The following FAM114A2 variants were observed in gnomAD, a reference collection of about 807,000 sequenced individuals.
The protein encoded by FAM114A2 is family with sequence similarity 114 member A2.
In FAM114A2, 53 loss-of-function variants were observed where a neutral mutation model predicts 58.4. The observed-to-expected ratio is 0.91, with a 90% CI of 0.73 to 1.14. The LOEUF (loss-of-function observed/expected upper bound fraction) is 1.14. Ranked by LOEUF, FAM114A2 falls within the 50% of genes most tolerant of loss-of-function variation. FAM114A2 has a pLI of 0.00. For missense variants in FAM114A2, 601 were observed against 581.1 expected (o/e 1.03, Z -0.35); for synonymous variants, 228 against 211.4 (o/e 1.08, Z -0.68).
At chr5:153,997,333 A>G (rs1306312014) in intron 12 of FAM114A2, among the ~76,000 whole-genome samples, 1 of 152,246 alleles carries the variant, frequency 6.6e-6, no homozygotes, top group African/African-American at 2.4e-5. Flanking sequence ...CATTATAGCC[A>G]AAAAGCAGAA....
chr5:154,029,066 T>C (rs1772001082), intron 5 of FAM114A2, among the ~76,000 whole-genome samples: 1 of 152,220 alleles, frequency 6.6e-6, no homozygotes, highest in African/African-American at 2.4e-5. Flanking sequence ...GCTTCCTAGA[T>C]AATCCTCTTA....
chr5:153,998,537 C>T (rs143820679), intron 11 of FAM114A2, among the ~76,000 whole-genome samples: 2 of 152,328 alleles, frequency 1.3e-5, no homozygotes, highest in African/African-American at 2.4e-5. Context: ...GTCTTTCATG[C>T]AGGTCTCTTT....
chr5:154,007,636 G>C (rs552901391), intron 9 of FAM114A2, among the ~76,000 whole-genome samples: 18 of 152,270 alleles, frequency 1.2e-4, no homozygotes, highest in African/African-American at 4.1e-4. Context: ...ACGTATTAAT[G>C]TGATCTCTCA....
chr5:154,011,766 A>C (rs1438812727), intron 8 of FAM114A2, among the ~76,000 whole-genome samples: 1 of 152,222 alleles, frequency 6.6e-6, no homozygotes, highest in African/African-American at 2.4e-5. Context: ...AAGTTGGGAC[A>C]TCAAACTTGA....
intron 8 of FAM114A2, among the ~76,000 whole-genome samples, chr5:154,020,883 TGCAAAAATCCTCAATAAAATACTG>T (rs1218031854): frequency 6.6e-6 from 1 of 152,070 alleles, no homozygotes; most frequent in African/African-American, 2.4e-5. Context: ...TGAACATCAA[TGCAAAAATCCTCAATAAAATACTG>T]GCAAACCGAA....
At chr5:154,034,653 A>G (rs1261484424) in intron 2 of FAM114A2, 91 bp downstream of exon 2, 10 of 907,252 alleles carry the variant, frequency 1.1e-5, no homozygotes, top group Non-Finnish European at 1.8e-5. Flanking sequence ...GCAATTCTAA[A>G]TTGGTATTTA....
chr5:154,034,420 G>A (rs1359477891), intron 2 of FAM114A2, 43 bp from the exon 3 acceptor site: 2 of 1,221,074 alleles, frequency 1.6e-6, no homozygotes, highest in Admixed American at 2.2e-5. Flanking sequence ...AAAGAAAAAT[G>A]AAAAAATTAG....
intron 13 of FAM114A2, among the ~76,000 whole-genome samples, chr5:153,993,485 A>C (rs1266851034): frequency 6.6e-6 from 1 of 152,184 alleles, no homozygotes; most frequent in Non-Finnish European, 1.5e-5. Context: ...TAAATCCTAC[A>C]CCTATAGAAT....
At chr5:154,037,050 C>G (rs564905593) in intron 1 of FAM114A2, 1 of 152,208 alleles carries the variant, frequency 6.6e-6, no homozygotes, top group Non-Finnish European at 1.5e-5. Context: ...CCTGATTAAC[C>G]TCTGTAGGCA....
chr5:154,002,159 G>A, intron 11 of FAM114A2, 92 bp downstream of exon 11: 12 of 1,250,422 alleles, frequency 9.6e-6, no homozygotes, highest in Non-Finnish European at 1.3e-5. Flanking sequence ...GACGTGAATG[G>A]TTTCTTGAGA....
chr5:154,023,607 C>T (rs1771581236), intron 8 of FAM114A2, among the ~76,000 whole-genome samples: 1 of 152,030 alleles, frequency 6.6e-6, no homozygotes, highest in Admixed American at 6.5e-5. Flanking sequence ...ACACAATGGG[C>T]TTCGGGGACT....
rs193293840 is a variant in FAM114A2 at position 154,018,289 on chromosome 5, C to G, written c.914-6969G>C. Among the ~76,000 whole-genome samples, 6 of 152,172 alleles carry G rather than the reference C, an allele frequency of 3.9e-5. No individual in the cohort carries two copies. The East Asian group carries it at 1.2e-3, about 29-fold the overall frequency. ...CATGGCTGCTATGAACACCTGTATG[C>G]GCATAAACTAGAAAACCTAGAGGAG... On this transcript the variant is annotated intron_variant, in intron 8 of 13. Transcript: ENST00000351797.
At chr5:154,016,208 G>A (rs889636184) in intron 8 of FAM114A2, among the ~76,000 whole-genome samples, 2 of 151,864 alleles carry the variant, frequency 1.3e-5, no homozygotes, top group African/African-American at 4.9e-5. Context: ...AATAATCGAG[G>A]AAAACTTCCC....
chr5:153,996,976 G>A (rs1417868593), intron 12 of FAM114A2, among the ~76,000 whole-genome samples: 6 of 135,088 alleles, frequency 4.4e-5, no homozygotes, highest in Non-Finnish European at 7.7e-5. Context: ...CAGCCTGGGT[G>A]ACAAGAGCAA....
chr5:154,029,526 C>A lies in FAM114A2; in HGVS notation c.458G>T (p.Gly153Val). ...AGCAGTAGAGATGGTAGAGAATACACCAAATGCCCCAGCCACTGGGGAGGA... is the reference window on the plus strand; with the variant it reads ...AGCAGTAGAGATGGTAGAGAATACAACAAATGCCCCAGCCACTGGGGAGGA... ...ENSSPVAGAF[G>V]VFSTISTAVQ... The change falls in exon 5 of 14, where the codon GGT becomes GTT. Residue 153 changes from glycine to valine, a missense_variant. Coordinates refer to ENST00000351797, the MANE Select transcript of FAM114A2 (RefSeq NM_018691.4). 6.2e-7 allele frequency: 1 copy of A among 1,611,414 alleles called. No individual in the cohort carries two copies. The highest frequency in any genetic ancestry group is 1.7e-4 in the Middle Eastern group (1 of 6,052).
chr5:154,025,360 G>C (rs989888758), intron 8 of FAM114A2, among the ~76,000 whole-genome samples: 4 of 151,336 alleles, frequency 2.6e-5, no homozygotes, highest in Non-Finnish European at 5.9e-5. Flanking sequence ...CTAACATCTT[G>C]ATCCATGTTA....
chr5:154,013,887 T>G (rs1329588409), intron 8 of FAM114A2, among the ~76,000 whole-genome samples: 2 of 152,246 alleles, frequency 1.3e-5, no homozygotes, highest in African/African-American at 4.8e-5. Context: ...ATTTATTGAG[T>G]GCTTACTATA....
Position 154,028,235 on chromosome 5 carries a change from T to C in FAM114A2, c.544A>G (p.Lys182Glu), listed in dbSNP as rs1451065514. Residue 182 changes from lysine to glutamate, a missense_variant, in exon 6 of 14, where the codon AAA (lysine) becomes GAA (glutamate). Coordinates refer to ENST00000351797, the MANE Select transcript of FAM114A2 (RefSeq NM_018691.4). ...GGLDALEFIG[K>E]KTMDVIAEGD... ...TCTGCTATCACATCCATTGTCTTTT[T>C]TCCAATGAATTCTAAGGCATCCAAA... The C allele has an allele frequency of 6.2e-7, 1 of 1,610,636 alleles. No individual in the cohort carries two copies. The highest frequency in any genetic ancestry group is 1.7e-5 in the Admixed American group (1 of 59,978).
At chr5:153,996,991 T>TAAAAAAA (rs57110256) in intron 12 of FAM114A2, among the ~76,000 whole-genome samples, 5 of 121,286 alleles carry the variant, frequency 4.1e-5, no homozygotes, top group Non-Finnish European at 8.6e-5. Flanking sequence ...GAGCAAAACT[T>TAAAAAAA]AAAAAAAAAA....
Sources: gnomAD v4.1 joint callset for allele counts (sites outside exome capture counted in the v4.1 genomes callset) on GRCh38, gnomAD v4.1.1 for gene constraint, MANE v1.5 for transcripts, NCBI Gene and HGNC (gene_info 2026-07-23, HGNC 2026-07-21) for gene names.